The following GRIP1 variants were observed in gnomAD, a reference collection of about 807,000 sequenced individuals.
GRIP1 encodes glutamate receptor interacting protein 1, also known as glutamate receptor-interacting protein 1.
In GRIP1, 45 loss-of-function variants were observed where a neutral mutation model predicts 129.9. The observed-to-expected ratio is 0.35, with a 90% CI of 0.27 to 0.44. GRIP1 has a LOEUF of 0.44. GRIP1 is among the 20% of genes least tolerant of loss of function. The probability of loss-of-function intolerance (pLI) is 1.00; values close to 1 mark genes in which losing one functional copy is unlikely to be tolerated. For missense variants in GRIP1, 1,196 were observed against 1,396.8 expected, an observed-to-expected ratio of 0.86 and a Z score of 2.29; for synonymous variants, 530 against 520.8, an observed-to-expected ratio of 1.02 and a Z score of -0.24.
At chr12:66,963,081 T>C (rs1045228154) in intron 1 of GRIP1, among the ~76,000 whole-genome samples, 6 of 151,974 alleles carry the variant, frequency 3.9e-5, no homozygotes, top group Non-Finnish European at 5.9e-5. Flanking sequence ...GAGGCCAAGG[T>C]GGGCGAGCTG....
chr12:66,833,186 G>A (rs1166948801), intron 1 of GRIP1, among the ~76,000 whole-genome samples: 1 of 152,240 alleles, frequency 6.6e-6, no homozygotes, highest in Non-Finnish European at 1.5e-5. Context: ...GTCTTGAGTG[G>A]TGCAAAGGTT....
chr12:66,860,569 C>G (rs1290952176), intron 1 of GRIP1, among the ~76,000 whole-genome samples: 1 of 152,022 alleles, frequency 6.6e-6, no homozygotes, highest in Non-Finnish European at 1.5e-5. Flanking sequence ...GCCCATTCAC[C>G]GAGTGTAAGT....
intron 1 of GRIP1, among the ~76,000 whole-genome samples, chr12:66,799,397 A>C (rs2136904840): frequency 6.6e-6 from 1 of 152,298 alleles, no homozygotes; most frequent in East Asian, 1.9e-4. Context: ...TTTTTGAGTT[A>C]AACTAAATAC....
intron 13 of GRIP1, among the ~76,000 whole-genome samples, chr12:66,434,381 C>G (rs2058240033): frequency 6.6e-6 from 1 of 152,200 alleles, no homozygotes; most frequent in Non-Finnish European, 1.5e-5. Context: ...ACTGAGTTAA[C>G]ACCTTTGACT....
chr12:66,384,365 T>A (rs2056261181), intron 19 of GRIP1, among the ~76,000 whole-genome samples: 1 of 152,148 alleles, frequency 6.6e-6, no homozygotes, highest in Non-Finnish European at 1.5e-5. Context: ...GATTAAGAGG[T>A]TAATTAACAT....
chr12:66,593,934 G>C (rs986233399), intron 2 of GRIP1, among the ~76,000 whole-genome samples: 1 of 151,884 alleles, frequency 6.6e-6, no homozygotes, highest in Non-Finnish European at 1.5e-5. Context: ...TGGGTGTGGT[G>C]GTGGATGCCT....
chr12:66,539,058 A>G lies in GRIP1; in HGVS notation c.418+20T>C. ...TCTTGGAATGTATCCCCTATGGATA[A>G]GGGGGGCTACTGTACTTACAGACCG... is the stretch of plus-strand genomic sequence containing the variant. On this transcript the variant is annotated intron_variant, in intron 4 of 24. Transcript: ENST00000359742. The G allele has an allele frequency of 6.2e-7, 1 of 1,608,376 alleles. No individual in the cohort carries two copies. Among genetic ancestry groups the G allele is most frequent in the Non-Finnish European group, 8.5e-7 (1 of 1,174,766 alleles).
intron 1 of GRIP1, among the ~76,000 whole-genome samples, chr12:66,729,688 C>T (rs998891547): frequency 4.6e-5 from 7 of 152,164 alleles, no homozygotes; most frequent in African/African-American, 1.7e-4. Context: ...ATTCTCCTGC[C>T]TCAGCCTCCC....
intron 2 of GRIP1, among the ~76,000 whole-genome samples, chr12:66,573,721 G>C (rs753830634): frequency 2.0e-5 from 3 of 152,128 alleles, no homozygotes; most frequent in Non-Finnish European, 4.4e-5. Context: ...CCCACAGCAC[G>C]AATCAAACAT....
chr12:66,708,720 G>A (rs551679970), intron 1 of GRIP1, among the ~76,000 whole-genome samples: 1 of 151,768 alleles, frequency 6.6e-6, no homozygotes, highest in East Asian at 1.9e-4. Flanking sequence ...TGCAGAATGT[G>A]CAGTTTTGTT....
Position 66,351,564 on chromosome 12 carries a change from T to TTTTTTTTG in GRIP1, c.3159+1852_3159+1853insCAAAAAAA, listed in dbSNP as rs1357733182. 8.4e-4 allele frequency among the ~76,000 whole-genome samples: 127 copies of TTTTTTTTG among 151,558 alleles called. 1 individual carries two copies. Among genetic ancestry groups the TTTTTTTTG allele is most frequent in the African/African-American group, 2.9e-3 (121 of 41,180 alleles). On this transcript the variant is annotated intron_variant, in intron 24 of 24. Transcript: ENST00000359742. Reference sequence around the variant, plus strand: ...AGGGAAACAGGAAGGTGGTTTTTTTTTTTTTTTTTTTGGAAACTCACTCTG... The same window carrying TTTTTTTTG: ...AGGGAAACAGGAAGGTGGTTTTTTTTTTTTTTTGTTTTTTTTTTTGGAAACTCACTCTG...
intron 1 of GRIP1, among the ~76,000 whole-genome samples, chr12:67,029,799 G>A (rs1220525385): frequency 6.6e-6 from 1 of 151,876 alleles, no homozygotes; most frequent in Admixed American, 6.6e-5. Context: ...TAGCAATGGT[G>A]TTTCTATTTT....
chr12:67,004,723 A>G (rs1200538752), intron 1 of GRIP1, among the ~76,000 whole-genome samples: 1 of 152,214 alleles, frequency 6.6e-6, no homozygotes, highest in Non-Finnish European at 1.5e-5. Flanking sequence ...GCACCATATG[A>G]CAGCAAAACC....
At position 67,048,413 on chromosome 12, in the gene GRIP1, A is replaced by G. The variant is rs559942130; in HGVS notation, c.58+20637T>C. On this transcript the variant is annotated intron_variant, in intron 1 of 1. Coordinates refer to the GRIP1 transcript ENST00000643019. Reference sequence around the variant, plus strand: ...TTTGCAAATTTTGCTCTATGCATATACCTTTTTAAAAATTTTATATATGTA... The same window carrying G: ...TTTGCAAATTTTGCTCTATGCATATGCCTTTTTAAAAATTTTATATATGTA... 1.4e-3 allele frequency among the ~76,000 whole-genome samples: 211 copies of G among 152,266 alleles called. 1 individual carries two copies. The South Asian group carries it at 0.015, about 11-fold the overall frequency.
At chr12:66,890,441 A>G (rs930452649) in intron 1 of GRIP1, among the ~76,000 whole-genome samples, 1 of 152,208 alleles carries the variant, frequency 6.6e-6, no homozygotes, top group Non-Finnish European at 1.5e-5. Context: ...TTTAGGTTTA[A>G]AAAAATTGCC....
chr12:66,662,711 T>C (rs2033583001), intron 1 of GRIP1, among the ~76,000 whole-genome samples: 2 of 152,188 alleles, frequency 1.3e-5, no homozygotes, highest in African/African-American at 4.8e-5. Flanking sequence ...CCTACCAGAA[T>C]ACTTGATATT....
At chr12:66,492,441 G>T (rs1054948142) in intron 7 of GRIP1, among the ~76,000 whole-genome samples, 5 of 152,056 alleles carry the variant, frequency 3.3e-5, no homozygotes, top group African/African-American at 1.2e-4. Context: ...GATTATGTAT[G>T]AAAATAACCA....
chr12:67,007,970 A>C (rs2042651716), intron 1 of GRIP1, among the ~76,000 whole-genome samples: 1 of 152,254 alleles, frequency 6.6e-6, no homozygotes, highest in Admixed American at 6.5e-5. Context: ...AGCTGAGGAA[A>C]ATGAAATAGG....
At chr12:66,380,629 C>G (rs2056061743) in intron 19 of GRIP1, among the ~76,000 whole-genome samples, 1 of 152,154 alleles carries the variant, frequency 6.6e-6, no homozygotes, top group Non-Finnish European at 1.5e-5. Context: ...AGCATTTTTA[C>G]AACAAACTGG....
Sources: allele counts gnomAD v4.1 joint callset (sites outside exome capture counted in the v4.1 genomes callset), GRCh38; gene constraint gnomAD v4.1.1; transcripts MANE v1.5; gene names NCBI Gene and HGNC (gene_info 2026-07-23, HGNC 2026-07-21).